Variants in ZFPM1 observed in about 807,000 individuals in gnomAD.
ZFPM1 encodes the protein zinc finger protein, FOG family member 1.
In ZFPM1, 28 loss-of-function variants were observed where a neutral mutation model predicts 46.3. The observed-to-expected ratio is 0.60, with a 90% CI of 0.45 to 0.83. The LOEUF is 0.83. Ranked by LOEUF, ZFPM1 falls within the 40% of genes least tolerant of loss-of-function variation. The pLI, the probability that ZFPM1 is intolerant of heterozygous loss-of-function variation, is 0.00. For missense variants in ZFPM1, 1,878 were observed against 1,432.4 expected, an observed-to-expected ratio of 1.31 and a Z score of -5.02; for synonymous variants, 957 against 675.9, an observed-to-expected ratio of 1.42 and a Z score of -6.45.
Position 88,534,390 on chromosome 16 carries a change from C to T in ZFPM1, c.2432C>T (p.Pro811Leu). ...CGCCCGCTCCCCGGAGCCCCGGCACCGGCGCTGGCCGACTACCACGAGTGC... is the reference window on the plus strand; with the variant it reads ...CGCCCGCTCCCCGGAGCCCCGGCACTGGCGCTGGCCGACTACCACGAGTGC... ...PRRPLPGAPA[P>L]ALADYHECTA... The change falls in exon 10 of 10, where the codon CCG becomes CTG. Residue 811 changes from proline (P) to leucine (L), a missense_variant. Pro to Leu is a moderately conservative substitution (Grantham distance 98). Transcript: ENST00000319555. The T allele has an allele frequency of 1.2e-5, 18 of 1,465,704 alleles. No homozygotes were observed. The highest frequency in any genetic ancestry group is 1.6e-5 in the Non-Finnish European group (18 of 1,114,450). The allele number at this position is 1,465,704 out of a possible 1,614,324, so 90.8% of individuals were successfully genotyped here.
At position 88,514,423 on chromosome 16, in the gene ZFPM1, G is replaced by C; in HGVS notation, c.305G>C (p.Arg102Pro). The C allele has an allele frequency of 6.4e-7, 1 of 1,561,030 alleles. No individual in the cohort carries two copies. The highest frequency in any genetic ancestry group is 8.7e-7 in the Non-Finnish European group (1 of 1,153,068). The change falls in exon 4 of 10, where the codon CGC becomes CCC. Residue 102 changes from arginine to proline, a missense_variant. Transcript: ENST00000319555. The stretch of plus-strand genomic sequence containing the variant: ...CCGGTGGTGCAGGATGGGCAGAGGC[G>C]CATACGGGCCCGACTCAGCCTCGCC... ...LEPVVQDGQR[R>P]IRARLSLATG...
intron 4 of ZFPM1, among the ~76,000 whole-genome samples, chr16:88,519,946 G>GATGA: frequency 6.7e-6 from 1 of 149,956 alleles, no homozygotes; most frequent in South Asian, 2.1e-4. Context: ...TGGATGGATG[G>GATGA]ATGAATGGAT....
At chr16:88,521,819 G>A (rs140383872) in intron 4 of ZFPM1, among the ~76,000 whole-genome samples, 56 of 127,152 alleles carry the variant, frequency 4.4e-4, no homozygotes, top group African/African-American at 1.7e-3. Flanking sequence ...TCCCTCCCCT[G>A]TGCTGTTCCC....
In ZFPM1 at chr16:88,534,993, A is replaced by T. The variant is rs778948192; in HGVS notation, c.*14A>T. ...CACGTGAAGTGAGCGCCCACACTAC[A>T]GCCGCAGACGCTTTGCACGCCCCGC... On this transcript the variant is annotated 3_prime_UTR_variant, in exon 10 of 10. Coordinates refer to ENST00000319555, the MANE Select transcript of ZFPM1 (RefSeq NM_153813.3). The T allele has an allele frequency of 1.4e-6, 2 of 1,390,692 alleles. No individual in the cohort carries two copies. Among genetic ancestry groups the T allele is most frequent in the Middle Eastern group, 1.9e-4 (1 of 5,212 alleles). The allele number at this position is 1,390,692 out of a possible 1,614,324, so 86.1% of individuals were successfully genotyped here. A position where few individuals can be genotyped will look rare whatever the true frequency, so the allele number is the denominator to read the frequency against.
chr16:88,461,252 C>CCCTGGTGAGGACCGAGGGGCGGGAGG (rs796251280), intron 1 of ZFPM1, among the ~76,000 whole-genome samples: 3 of 59,880 alleles, frequency 5.0e-5, no homozygotes, highest in African/African-American at 8.7e-5. Flanking sequence ...GGGCGGGAGG[C>CCCTGGTGAGGACCGAGGGGCGGGAGG]CCTGGTGAGG....
rs1460102124 is a variant in ZFPM1 at position 88,534,368 on chromosome 16, C to G, written c.2410C>G (p.Pro804Ala). The G allele has an allele frequency of 1.1e-5, 16 of 1,435,988 alleles. No individual in the cohort carries two copies. Among genetic ancestry groups the G allele is most frequent in the Non-Finnish European group, 1.5e-5 (16 of 1,099,248 alleles). The allele number at this position is 1,435,988 out of a possible 1,614,324, so 89.0% of individuals were successfully genotyped here. ...PIDLSKKPRR[P>A]LPGAPAPALA... The stretch of plus-strand genomic sequence containing the variant: ...CGACCTGAGCAAGAAGCCGCGGCGC[C>G]CGCTCCCCGGAGCCCCGGCACCGGC... The change falls in exon 10 of 10, where the codon CCG becomes GCG. Residue 804 changes from proline (P) to alanine (A), a missense_variant. Coordinates refer to ENST00000319555, the MANE Select transcript of ZFPM1 (RefSeq NM_153813.3).
chr16:88,532,259 GTCCTCAGGATGCCGGCTGCT>G, intron 7 of ZFPM1, 24 bp downstream of exon 7: 1 of 1,566,678 alleles, frequency 6.4e-7, no homozygotes, highest in South Asian at 1.2e-5. Context: ...CCGGACGCGG[GTCCTCAGGATGCCGGCTGCT>G]TCCCCACCCA....
intron 2 of ZFPM1, among the ~76,000 whole-genome samples, chr16:88,486,640 T>C (rs1909242206): frequency 6.8e-6 from 1 of 146,920 alleles, no homozygotes; most frequent in African/African-American, 2.6e-5. Context: ...GGGTACTAGG[T>C]GCACAGTGGA....
At chr16:88,486,217 G>A (rs1909216236) in intron 2 of ZFPM1, among the ~76,000 whole-genome samples, 174 bp downstream of exon 2, 1 of 152,220 alleles carries the variant, frequency 6.6e-6, no homozygotes, top group African/African-American at 2.4e-5. Flanking sequence ...CGGTGGGGCT[G>A]GGGGGTCTCC....
chr16:88,455,571 C>T (rs1164621654), intron 1 of ZFPM1, among the ~76,000 whole-genome samples: 2 of 150,892 alleles, frequency 1.3e-5, no homozygotes, highest in East Asian at 3.9e-4. Context: ...CCTGGCCTCA[C>T]CTGCGGCCGG....
chr16:88,475,165 C>G (rs745671451), intron 1 of ZFPM1, among the ~76,000 whole-genome samples: 2 of 152,228 alleles, frequency 1.3e-5, no homozygotes, highest in African/African-American at 2.4e-5. Flanking sequence ...GAGCCATGCC[C>G]GATGCCAGCC....
In ZFPM1 at chr16:88,535,092, C is replaced by G; in HGVS notation, c.*113C>G. The G allele has an allele frequency of 7.8e-7, 1 of 1,281,766 alleles. No individual in the cohort carries two copies. The highest frequency in any genetic ancestry group is 1.0e-6 in the Non-Finnish European group (1 of 997,950). 79.4% of individuals were successfully genotyped at this position (1,281,766 alleles called of 1,614,324 possible). On this transcript the variant is annotated 3_prime_UTR_variant, in exon 10 of 10. Coordinates refer to ENST00000319555, the MANE Select transcript of ZFPM1 (RefSeq NM_153813.3). Reference sequence around the variant, plus strand: ...TGGGAACCCCGCCACGCACAGGCCTCGGCGGAGGGGGCCGCAGGGGGCAGC... The same window carrying G: ...TGGGAACCCCGCCACGCACAGGCCTGGGCGGAGGGGGCCGCAGGGGGCAGC...
At chr16:88,529,549 G>C (rs1912619043) in intron 6 of ZFPM1, among the ~76,000 whole-genome samples, 1 of 152,186 alleles carries the variant, frequency 6.6e-6, no homozygotes, top group African/African-American at 2.4e-5. Flanking sequence ...CAAAAGAGAA[G>C]CCACAGAGTC....
At chr16:88,468,006 CCCCACCGCCCCTCACACACCCGCGAG>C (rs1374650961) in intron 1 of ZFPM1, among the ~76,000 whole-genome samples, 2 of 147,042 alleles carry the variant, frequency 1.4e-5, no homozygotes, top group African/African-American at 2.5e-5. Flanking sequence ...CCCGCGAGCC[CCCCACCGCCCCTCACACACCCGCGAG>C]CCCACCGCCC....
At chr16:88,516,638 T>C (rs1911318111) in intron 4 of ZFPM1, 3 of 398,552 alleles carry the variant, frequency 7.5e-6, no homozygotes, top group Non-Finnish European at 1.3e-5. Context: ...TATGCACGCC[T>C]TTCCGATACT....
chr16:88,476,282 C>T (rs566386495), intron 1 of ZFPM1, among the ~76,000 whole-genome samples: 1 of 152,186 alleles, frequency 6.6e-6, no homozygotes, highest in African/African-American at 2.4e-5. Context: ...GCCACACCCC[C>T]CTCCAAGCCA....
At position 88,532,627 on chromosome 16, in the gene ZFPM1, C is replaced by T; in HGVS notation, c.960C>T (p.Phe320=). The T allele has an allele frequency of 3.2e-6, 5 of 1,573,400 alleles. No individual in the cohort carries two copies. The South Asian group carries it at 5.7e-5, about 18-fold the overall frequency. ...CCTGTGTTCCAGGAGAGCGGCCCTT[C>T]GTGTGCCTGATCTGCCTGTCGGCCT... ...HMRSHSGERP[F]VCLICLSAFT... Residue 320 remains phenylalanine, a synonymous_variant, in exon 8 of 10, where the codon TTC becomes TTT. Transcript: ENST00000319555.
At chr16:88,459,530 C>T (rs1224098390) in intron 1 of ZFPM1, among the ~76,000 whole-genome samples, 1 of 149,292 alleles carries the variant, frequency 6.7e-6, no homozygotes, top group Admixed American at 6.7e-5. Flanking sequence ...TCCTACCCTT[C>T]TCCTTCCTCC....
chr16:88,534,781 G>T lies in ZFPM1; in HGVS notation c.2823G>T (p.Glu941Asp). Residue 941 changes from glutamate to aspartate, a missense_variant, in exon 10 of 10, where the codon GAG (glutamate) becomes GAT (aspartate). Physicochemically the swap from Glu to Asp is conservative, Grantham distance 45. Coordinates refer to ENST00000319555, the MANE Select transcript of ZFPM1 (RefSeq NM_153813.3). ...GPPPSPAAAP[E>D]AVPPPPAPPS... Reference sequence around the variant, plus strand: ...CCCCGTCCCCGGCCGCCGCGCCCGAGGCCGTGCCGCCCCCGCCGGCGCCCC... The same window carrying T: ...CCCCGTCCCCGGCCGCCGCGCCCGATGCCGTGCCGCCCCCGCCGGCGCCCC... The T allele has an allele frequency of 1.6e-6, 2 of 1,287,588 alleles. No homozygotes were observed. Among genetic ancestry groups the T allele is most frequent in the Non-Finnish European group, 2.0e-6 (2 of 1,013,344 alleles). The allele number at this position is 1,287,588 out of a possible 1,614,324, so 79.8% of individuals were successfully genotyped here. A position where few individuals can be genotyped will look rare whatever the true frequency, so the allele number is the denominator to read the frequency against.
Sources: gnomAD v4.1 joint callset for allele counts (sites outside exome capture counted in the v4.1 genomes callset) on GRCh38, gnomAD v4.1.1 for gene constraint, MANE v1.5 for transcripts, NCBI Gene and HGNC (gene_info 2026-07-23, HGNC 2026-07-21) for gene names.